ADGB: variants seen among roughly 807,000 people sequenced by gnomAD.
ADGB encodes calpain-7-like protein.
A neutral mutation model predicts 210.5 loss-of-function variants in ADGB; 172 were observed. The observed-to-expected ratio is 0.82, with a 90% CI of 0.72 to 0.93. The LOEUF (loss-of-function observed/expected upper bound fraction) is 0.93, where lower values mean the gene tolerates loss of function less well. ADGB is among the 40% of genes least tolerant of loss of function. The pLI, the probability that ADGB is intolerant of heterozygous loss-of-function variation, is 0.00. For missense variants in ADGB, 2,025 were observed against 1,964.8 expected, an observed-to-expected ratio of 1.03 and a Z score of -0.58; for synonymous variants, 658 against 662.7, an observed-to-expected ratio of 0.99 and a Z score of 0.11.
chr6:146,654,101 T>C, intron 3 of ADGB, 34 bp from the exon 4 acceptor site: 1 of 1,251,886 alleles, frequency 8.0e-7, no homozygotes, highest in Non-Finnish European at 1.1e-6. Context: ...TTATTTTTCT[T>C]ATGGAGTAAT....
chr6:146,739,040 T>C (rs919973447), intron 23 of ADGB, among the ~76,000 whole-genome samples: 1 of 152,192 alleles, frequency 6.6e-6, no homozygotes, highest in Non-Finnish European at 1.5e-5. Flanking sequence ...AAATATTCTA[T>C]ATAGCTCATC....
At chr6:146,778,230 GT>G (rs776756402) in intron 29 of ADGB, among the ~76,000 whole-genome samples, 22 of 152,166 alleles carry the variant, frequency 1.4e-4, no homozygotes, top group Admixed American at 1.0e-3. Context: ...GCCAGTGAGG[GT>G]GGTTGAAGCC....
chr6:146,700,408 A>G (rs572597272), intron 12 of ADGB, among the ~76,000 whole-genome samples: 91 of 152,312 alleles, frequency 6.0e-4, no homozygotes, highest in Non-Finnish European at 1.1e-3. Context: ...TTTAAAACAC[A>G]CTTACTTAAA....
At chr6:146,792,394 T>C (rs531469450) in intron 33 of ADGB, among the ~76,000 whole-genome samples, 1 of 152,312 alleles carries the variant, frequency 6.6e-6, no homozygotes, top group African/African-American at 2.4e-5. Context: ...TTCAATTTCT[T>C]TCATCAATAT....
At chr6:146,797,803 G>A (rs983122591) in intron 33 of ADGB, among the ~76,000 whole-genome samples, 7 of 151,998 alleles carry the variant, frequency 4.6e-5, no homozygotes, top group African/African-American at 7.3e-5. Flanking sequence ...ACTACACATC[G>A]GGTACAATGT....
chr6:146,635,505 G>C lies in ADGB; in HGVS notation c.205G>C (p.Glu69Gln). 1 of 1,547,182 alleles carries C rather than the reference G, an allele frequency of 6.5e-7. No individual in the cohort carries two copies. The highest frequency in any genetic ancestry group is 1.4e-5 in the African/African-American group (1 of 72,866). Residue 69 changes from glutamate (E) to glutamine (Q), a missense_variant, in exon 2 of 36, where the codon GAA becomes CAA. Physicochemically the swap from Glu to Gln is conservative, Grantham distance 29 (BLOSUM62 2). Transcript: ENST00000397944. ...GTGGGATGCAGGCAAAGGTGCAAAA[G>C]AAAAGGACAAAACAGGAAAAAGCCC... ...EKWDAGKGAK[E>Q]KDKTGKSPVF...
At chr6:146,802,868 T>C in intron 35 of ADGB, 2 of 1,610,276 alleles carry the variant, frequency 1.2e-6, no homozygotes, top group Non-Finnish European at 1.7e-6. Flanking sequence ...CAAAGTAAGA[T>C]GGTTTTCCTG....
Position 146,733,224 on chromosome 6 carries a change from A to T in ADGB, c.2625A>T (p.Leu875Phe). ...GGGCTATGGTTTTGGACTTGGAGTT[A>T]CTCAATTCCTCCTTGGAAGAGGTTT... Reference protein sequence around the residue: ...AFRAMVLDLELLNSSLEEVSL... With the variant: ...AFRAMVLDLEFLNSSLEEVSL... The change falls in exon 21 of 36, where the codon TTA becomes TTT. Residue 875 changes from leucine to phenylalanine, a missense_variant. By Grantham distance (22) the Leu-to-Phe change is conservative. Transcript: ENST00000397944. 1 of 1,539,170 alleles carries T rather than the reference A, an allele frequency of 6.5e-7. No homozygotes were observed.
At chr6:146,795,605 C>A (rs564464840) in intron 33 of ADGB, among the ~76,000 whole-genome samples, 1 of 152,274 alleles carries the variant, frequency 6.6e-6, no homozygotes, top group South Asian at 2.1e-4. Context: ...CAATGAGATA[C>A]CATCTCACAC....
intron 19 of ADGB, among the ~76,000 whole-genome samples, chr6:146,728,040 GACCACCC>G (rs1368258650): frequency 6.6e-6 from 1 of 152,018 alleles, no homozygotes; most frequent in Admixed American, 6.6e-5. Context: ...GCAACTCCAG[GACCACCC>G]ACCGTACACC....
chr6:146,783,724 A>G (rs1216692485), intron 30 of ADGB, among the ~76,000 whole-genome samples: 2 of 152,160 alleles, frequency 1.3e-5, no homozygotes, highest in African/African-American at 4.8e-5. Flanking sequence ...ATTATTTATC[A>G]GTGATAATTG....
At chr6:146,631,963 T>TA (rs60684925) in intron 1 of ADGB, among the ~76,000 whole-genome samples, 2,811 of 142,968 alleles carry the variant, frequency 0.02, 67 homozygotes, top group African/African-American at 0.053. Flanking sequence ...ATCTCCTCAT[T>TA]AAAAAAAAAA....
intron 26 of ADGB, among the ~76,000 whole-genome samples, chr6:146,748,678 C>T (rs1777277883): frequency 6.6e-6 from 1 of 152,108 alleles, no homozygotes; most frequent in Non-Finnish European, 1.5e-5. Context: ...CTAACTCCTG[C>T]CTCAAGCAAT....
intron 25 of ADGB, among the ~76,000 whole-genome samples, chr6:146,742,747 A>G (rs115644973): frequency 0.015 from 2,219 of 152,242 alleles, 52 homozygotes; most frequent in African/African-American, 0.051. Flanking sequence ...ATTCTTCCCC[A>G]TGTTCTAATA....
intron 14 of ADGB, among the ~76,000 whole-genome samples, chr6:146,715,646 T>A (rs1270181129): frequency 6.6e-6 from 1 of 152,204 alleles, no homozygotes; most frequent in South Asian, 2.1e-4. Flanking sequence ...ATAAAGTTCA[T>A]GTGTTTTAAT....
chr6:146,637,552 C>T (rs1775443012), intron 2 of ADGB, among the ~76,000 whole-genome samples: 1 of 151,962 alleles, frequency 6.6e-6, no homozygotes, highest in Non-Finnish European at 1.5e-5. Flanking sequence ...CCAATAAACA[C>T]TCCAGCTTTT....
chr6:146,698,452 C>G (rs1776441451), intron 12 of ADGB, among the ~76,000 whole-genome samples: 2 of 152,180 alleles, frequency 1.3e-5, no homozygotes, highest in South Asian at 4.1e-4. Flanking sequence ...CTTTACATCA[C>G]AGGCAGTTAA....
chr6:146,676,165 G>A, intron 8 of ADGB, 148 bp from the exon 9 acceptor site: 2 of 634,510 alleles, frequency 3.2e-6, no homozygotes, highest in African/African-American at 3.7e-5. Flanking sequence ...CTAATTAGAG[G>A]GGATCATGTT....
chr6:146,768,894 T>G (rs2114630866), intron 28 of ADGB, 126 bp from the exon 29 acceptor site: 1 of 486,094 alleles, frequency 2.1e-6, no homozygotes, highest in East Asian at 3.0e-5. Flanking sequence ...CCAGCATGAT[T>G]TAACTAAATT....
Sources: allele counts gnomAD v4.1 joint callset (sites outside exome capture counted in the v4.1 genomes callset), GRCh38; gene constraint gnomAD v4.1.1; transcripts MANE v1.5; gene names NCBI Gene and HGNC (gene_info 2026-07-23, HGNC 2026-07-21).